ELK3: variants seen among roughly 807,000 people sequenced by gnomAD.
ELK3 encodes ETS domain-containing protein Elk-3.
In ELK3, 10 loss-of-function variants were observed where a neutral mutation model predicts 28.9. The observed-to-expected ratio is 0.35, with a 90% CI of 0.21 to 0.59. The LOEUF is 0.59. ELK3 is among the 20% of genes least tolerant of loss of function. The pLI is 0.82. For synonymous variants in ELK3, 272 were observed against 243.5 expected, an observed-to-expected ratio of 1.12 and a Z score of -1.09; for missense variants, 463 against 517.3, an observed-to-expected ratio of 0.90 and a Z score of 1.02.
chr12:96,260,922 T>C (rs1405737601), intron 4 of ELK3, among the ~76,000 whole-genome samples: 2 of 152,194 alleles, frequency 1.3e-5, no homozygotes, highest in African/African-American at 4.8e-5. Context: ...CACTAAACTA[T>C]GGGCCCTCGA....
rs564204966 is a variant in ELK3, at chr12:96,269,481, T to G, written c.*2301T>G. The stretch of plus-strand genomic sequence containing the variant: ...ATTAGAAATGCAAAAATACTACAAT[T>G]TTTTGATGGATGAAAATACTCCTGT... On this transcript the variant is annotated 3_prime_UTR_variant, in exon 5 of 5. Transcript: ENST00000228741. 6.6e-6 allele frequency: 1 copy of G among 152,194 alleles called. No individual in the cohort carries two copies. The highest frequency in any genetic ancestry group is 2.1e-4 in the South Asian group (1 of 4,830). The allele number at this position is 152,194 out of a possible 1,614,324, so 9.4% of individuals were successfully genotyped here. A position where few individuals can be genotyped will look rare whatever the true frequency, so the allele number is the denominator to read the frequency against.
At chr12:96,227,705 C>T (rs1951713587) in intron 2 of ELK3, among the ~76,000 whole-genome samples, 1 of 152,208 alleles carries the variant, frequency 6.6e-6, no homozygotes. Flanking sequence ...TGTTCTTTTC[C>T]TCCCCTCTCA....
intron 2 of ELK3, among the ~76,000 whole-genome samples, chr12:96,242,316 A>G (rs539066856): frequency 6.6e-6 from 1 of 152,254 alleles, no homozygotes; most frequent in Non-Finnish European, 1.5e-5. Flanking sequence ...AGCTTCCAAC[A>G]GTGTATAATT....
rs1470955756 is a variant in ELK3 at position 96,268,472 on chromosome 12, T to C, written c.*1292T>C. The C allele has an allele frequency of 6.6e-6, 1 of 152,200 alleles. No homozygotes were observed. Among genetic ancestry groups the C allele is most frequent in the Non-Finnish European group, 1.5e-5 (1 of 68,034 alleles). The allele number at this position is 152,200 out of a possible 1,614,324, so 9.4% of individuals were successfully genotyped here. On this transcript the variant is annotated 3_prime_UTR_variant, in exon 5 of 5. Transcript: ENST00000228741. ...TGTGTAATGTAATTTGGAGCAGTGATAATACAGACATATTTTCTGTTCCAT... is the reference window on the plus strand; with the variant it reads ...TGTGTAATGTAATTTGGAGCAGTGACAATACAGACATATTTTCTGTTCCAT...
At chr12:96,265,400 T>C (rs189861437) in intron 4 of ELK3, among the ~76,000 whole-genome samples, 148 of 152,074 alleles carry the variant, frequency 9.7e-4, no homozygotes, top group Admixed American at 3.5e-3. Context: ...AGAATGAAAA[T>C]GCAGGCTGGG....
intron 2 of ELK3, among the ~76,000 whole-genome samples, chr12:96,237,674 G>A (rs1215376265): frequency 6.6e-6 from 1 of 152,226 alleles, no homozygotes; most frequent in African/African-American, 2.4e-5. Flanking sequence ...CCAGCTACTT[G>A]GGAGGCTGAG....
chr12:96,218,648 ATT>A (rs144305445), intron 1 of ELK3, among the ~76,000 whole-genome samples: 122 of 131,022 alleles, frequency 9.3e-4, no homozygotes, highest in Middle Eastern at 4.1e-3. Context: ...AAAGATAAGC[ATT>A]TTTTTTTTTT....
chr12:96,224,703 C>T (rs185221241), intron 2 of ELK3, among the ~76,000 whole-genome samples: 1 of 152,198 alleles, frequency 6.6e-6, no homozygotes, highest in South Asian at 2.1e-4. Context: ...CCATTTCAGG[C>T]CTTAATTGTT....
At chr12:96,251,869 G>A (rs563277388) in intron 3 of ELK3, among the ~76,000 whole-genome samples, 30 of 152,352 alleles carry the variant, frequency 2.0e-4, no homozygotes, top group African/African-American at 7.0e-4. Flanking sequence ...GTGAAGCAGC[G>A]AGTGCTAATG....
At chr12:96,219,891 C>G (rs1951650172) in intron 1 of ELK3, among the ~76,000 whole-genome samples, 1 of 152,106 alleles carries the variant, frequency 6.6e-6, no homozygotes, top group African/African-American at 2.4e-5. Flanking sequence ...GAAGGAGTGG[C>G]TCAAGAGAGC....
chr12:96,211,187 T>TA (rs1951575949), intron 1 of ELK3, among the ~76,000 whole-genome samples: 1 of 152,198 alleles, frequency 6.6e-6, no homozygotes, highest in African/African-American at 2.4e-5. Flanking sequence ...TTAATTGCAC[T>TA]AAAAAGAAAA....
At chr12:96,202,469 A>G (rs1346491416) in intron 1 of ELK3, among the ~76,000 whole-genome samples, 2 of 149,680 alleles carry the variant, frequency 1.3e-5, no homozygotes, top group South Asian at 2.1e-4. Flanking sequence ...CCTGTCACCT[A>G]GAGTAGATCT....
intron 3 of ELK3, among the ~76,000 whole-genome samples, chr12:96,254,633 G>C (rs774289384): frequency 6.6e-6 from 1 of 152,082 alleles, no homozygotes; most frequent in Non-Finnish European, 1.5e-5. Context: ...GCTGTGTTTG[G>C]AGCTGGGGCT....
At chr12:96,249,989 T>C (rs1951891419) in intron 3 of ELK3, among the ~76,000 whole-genome samples, 1 of 151,852 alleles carries the variant, frequency 6.6e-6, no homozygotes, top group Non-Finnish European at 1.5e-5. Flanking sequence ...GGTGGGGCTG[T>C]GATGATTTAG....
intron 1 of ELK3, among the ~76,000 whole-genome samples, chr12:96,212,568 ATGT>A (rs1311332651): frequency 6.6e-6 from 1 of 152,064 alleles, no homozygotes; most frequent in African/African-American, 2.4e-5. Context: ...TTTCCTGGGG[ATGT>A]TGTTATAGGG....
At chr12:96,255,780 T>C (rs1309034517) in intron 3 of ELK3, among the ~76,000 whole-genome samples, 1 of 152,194 alleles carries the variant, frequency 6.6e-6, no homozygotes, top group African/African-American at 2.4e-5. Context: ...CAAGGAAATA[T>C]ATTTTGGGGT....
chr12:96,219,707 G>A (rs1565780761), intron 1 of ELK3, among the ~76,000 whole-genome samples: 4 of 152,156 alleles, frequency 2.6e-5, no homozygotes, highest in Admixed American at 2.0e-4. Context: ...GGGGCTCCAC[G>A]ATACCCCAGA....
rs10678770 is a variant in ELK3 at position 96,199,480 on chromosome 12, C to CTGTGTGTG, written c.-3+4802_-3+4809dup. 5.6e-3 allele frequency among the ~76,000 whole-genome samples: 827 copies of CTGTGTGTG among 146,464 alleles called. 9 individuals carry two copies. The highest frequency in any genetic ancestry group is 0.011 in the African/African-American group (452 of 39,548). ...GAGCAGCCCCAGTAAATAAAATTAG[C>CTGTGTGTG]TGTGTGTGTGTGTGTGTGTGTGTGT... On this transcript the variant is annotated intron_variant, in intron 1 of 4. Transcript: ENST00000228741.
chr12:96,214,421 ACT>A (rs1951596361), intron 1 of ELK3, among the ~76,000 whole-genome samples: 1 of 151,754 alleles, frequency 6.6e-6, no homozygotes, highest in East Asian at 1.9e-4. Context: ...ACAGAGCAAG[ACT>A]CTGTCTCAAA....
Sources: allele counts gnomAD v4.1 joint callset (sites outside exome capture counted in the v4.1 genomes callset), GRCh38; gene constraint gnomAD v4.1.1; transcripts MANE v1.5; gene names NCBI Gene and HGNC (gene_info 2026-07-23, HGNC 2026-07-21).